Variants in TMCC3 observed in about 807,000 individuals in gnomAD.
TMCC3 encodes transmembrane and coiled-coil domain protein 3.
In TMCC3, 28 loss-of-function variants were observed where a neutral mutation model predicts 40.2. That is an observed-to-expected ratio of 0.70 (90% CI 0.52 to 0.95). The LOEUF is 0.95. Among genes scored for constraint, TMCC3 ranks in the 40% least tolerant of loss-of-function variants. TMCC3 has a pLI of 0.00. For synonymous variants in TMCC3, 255 were observed against 248.5 expected (o/e 1.03, Z -0.25); for missense variants, 554 against 615.2 (o/e 0.90, Z 1.05).
chr12:94,635,660 G>GTTTTTTTTTT (rs63480462), intron 1 of TMCC3, among the ~76,000 whole-genome samples: 4 of 89,294 alleles, frequency 4.5e-5, no homozygotes, highest in Non-Finnish European at 8.3e-5. Flanking sequence ...GTGTATGTGG[G>GTTTTTTTTTT]TTTTTTTTTT....
chr12:94,578,607 G>A lies in TMCC3; in HGVS notation c.996-78C>T, dbSNP rs141556339. On this transcript the variant is annotated intron_variant, in intron 2 of 3. Transcript: ENST00000261226. ...AACGATGTCCTTTTTATCTTCCTGC[G>A]CCAGTACCTTTTGGCTTGCTCTCAT... 1.3e-3 allele frequency: 1,986 copies of A among 1,485,558 alleles called. 30 individuals are homozygous for A. The African/African-American group carries it at 0.024, about 18-fold the overall frequency. 92.0% of individuals were successfully genotyped at this position (1,485,558 alleles called of 1,614,324 possible).
chr12:94,603,229 C>T (rs1010780795), intron 1 of TMCC3, among the ~76,000 whole-genome samples: 5 of 152,234 alleles, frequency 3.3e-5, no homozygotes, highest in African/African-American at 7.2e-5. Context: ...GGATTACAGA[C>T]GTGCACCACC....
At chr12:94,585,591 G>T (rs1277169220) in intron 1 of TMCC3, among the ~76,000 whole-genome samples, 1 of 152,148 alleles carries the variant, frequency 6.6e-6, no homozygotes, top group African/African-American at 2.4e-5. Flanking sequence ...CAGCTACCCG[G>T]GAGGCTGAGG....
rs373821737 is a variant in TMCC3, at chr12:94,601,399, C to A, written c.79-18861G>T. The stretch of plus-strand genomic sequence containing the variant: ...GCATGATGGTAGATGCCTGTAATCC[C>A]AGCTACTCAGGGGATTGCTGAGGCA... On this transcript the variant is annotated intron_variant, in intron 1 of 3. Coordinates refer to ENST00000261226, the MANE Select transcript of TMCC3 (RefSeq NM_020698.4). Among the ~76,000 whole-genome samples the A allele has an allele frequency of 1.5e-4, 23 of 152,194 alleles. 1 individual carries two copies. Among genetic ancestry groups the A allele is most frequent in the African/African-American group, 5.3e-4 (22 of 41,506 alleles).
chr12:94,617,797 C>A (rs2068855693), intron 1 of TMCC3, among the ~76,000 whole-genome samples: 1 of 152,066 alleles, frequency 6.6e-6, no homozygotes, highest in Admixed American at 6.5e-5. Context: ...GAGAAAAGGG[C>A]AGTGGGGTTT....
At chr12:94,634,206 A>T (rs1594297553) in intron 1 of TMCC3, among the ~76,000 whole-genome samples, 1 of 151,990 alleles carries the variant, frequency 6.6e-6, no homozygotes, top group East Asian at 1.9e-4. Context: ...GGGCCTCCCA[A>T]AGTGCTGGGA....
intron 1 of TMCC3, among the ~76,000 whole-genome samples, chr12:94,585,096 A>T (rs1334287734): frequency 6.6e-6 from 1 of 152,146 alleles, no homozygotes; most frequent in African/African-American, 2.4e-5. Context: ...TTTGCTGGAG[A>T]TATTATATCT....
At chr12:94,623,798 T>A (rs1243280982) in intron 1 of TMCC3, among the ~76,000 whole-genome samples, 2 of 152,280 alleles carry the variant, frequency 1.3e-5, no homozygotes, top group East Asian at 3.9e-4. Context: ...GACCTCATGG[T>A]GGGGAGGACC....
At chr12:94,571,798 G>A (rs2068530955) in intron 3 of TMCC3, 61 bp from the exon 4 acceptor site, 2 of 1,554,962 alleles carry the variant, frequency 1.3e-6, no homozygotes, top group Non-Finnish European at 8.8e-7. Context: ...ACACGTGAGT[G>A]CTCGCTCAGC....
intron 2 of TMCC3, among the ~76,000 whole-genome samples, chr12:94,581,380 T>C (rs761817705): frequency 3.3e-5 from 5 of 152,170 alleles, no homozygotes; most frequent in Non-Finnish European, 5.9e-5. Context: ...AGGGATGTAT[T>C]GATTGCTAAA....
chr12:94,644,270 G>T, intron 1 of TMCC3: 1 of 451,032 alleles, frequency 2.2e-6, no homozygotes, highest in Non-Finnish European at 2.9e-6. Context: ...CTCTTCTCTT[G>T]TCACCCTCCT....
intron 1 of TMCC3, among the ~76,000 whole-genome samples, chr12:94,595,138 A>G (rs992184099): frequency 3.9e-5 from 6 of 152,168 alleles, no homozygotes; most frequent in African/African-American, 7.2e-5. Context: ...TGATCAGCCT[A>G]TATGTTTTCC....
chr12:94,624,725 AAT>A (rs1491173264), intron 1 of TMCC3, among the ~76,000 whole-genome samples: 6 of 140,794 alleles, frequency 4.3e-5, no homozygotes, highest in East Asian at 2.2e-4. Context: ...ATTAAAAAAA[AAT>A]ATATTGTTCA....
chr12:94,582,316 T>C lies in TMCC3; in HGVS notation c.301A>G (p.Asn101Asp). 6.2e-7 allele frequency: 1 copy of C among 1,613,992 alleles called. No homozygotes were observed. The highest frequency in any genetic ancestry group is 8.5e-7 in the Non-Finnish European group (1 of 1,180,006). Residue 101 changes from asparagine (N) to aspartate (D), a missense_variant, in exon 2 of 4, where the codon AAC becomes GAC. Transcript: ENST00000261226. ...CCCGCCTGCTGCTTGTCTGCGTTGT[T>C]CACTAGTTTCAGATACTCCGCAACA... ...GNVAEYLKLV[N>D]NADKQQAGRI...
chr12:94,594,214 T>TAC lies in TMCC3; in HGVS notation c.79-11677_79-11676insGT, dbSNP rs1166424688. On this transcript the variant is annotated intron_variant, in intron 1 of 3. Transcript: ENST00000261226. ...TTAAATTTAAATATATATATATATA[T>TAC]ATACACACACACACACACAGAGTGA... Among the ~76,000 whole-genome samples, 5 of 96,702 alleles carry TAC rather than the reference T, an allele frequency of 5.2e-5. No individual in the cohort carries two copies. In the South Asian group the frequency reaches 1.4e-3, roughly 26 times the overall value. The allele number at this position is 96,702 out of a possible 152,430, so 63.4% of individuals were successfully genotyped here. A position where few individuals can be genotyped will look rare whatever the true frequency, so the allele number is the denominator to read the frequency against.
At chr12:94,612,442 C>G (rs1488072028) in intron 1 of TMCC3, among the ~76,000 whole-genome samples, 1 of 151,776 alleles carries the variant, frequency 6.6e-6, no homozygotes, top group Admixed American at 6.6e-5. Flanking sequence ...TCCCGAGTAG[C>G]TGAGACTACA....
chr12:94,641,348 A>C (rs552942775), intron 1 of TMCC3, among the ~76,000 whole-genome samples: 4 of 152,202 alleles, frequency 2.6e-5, no homozygotes, highest in Admixed American at 2.6e-4. Context: ...TCAAAGAATG[A>C]ATCTGATATA....
intron 3 of TMCC3, 26 bp from the exon 4 acceptor site, chr12:94,571,763 T>A (rs779671211): frequency 1.9e-6 from 3 of 1,609,784 alleles, no homozygotes; most frequent in African/African-American, 2.7e-5. Context: ...AGAGCAAGGG[T>A]CAAACGGTGT....
At chr12:94,587,605 G>C (rs910018946) in intron 1 of TMCC3, among the ~76,000 whole-genome samples, 2 of 152,148 alleles carry the variant, frequency 1.3e-5, no homozygotes, top group African/African-American at 4.8e-5. Flanking sequence ...TGTATGTAAA[G>C]TGTTCACCTC....
Sources: allele counts gnomAD v4.1 joint callset (sites outside exome capture counted in the v4.1 genomes callset), GRCh38; gene constraint gnomAD v4.1.1; transcripts MANE v1.5; gene names NCBI Gene and HGNC (gene_info 2026-07-23, HGNC 2026-07-21).